CSMD1: variants seen among roughly 807,000 people sequenced by gnomAD.
CSMD1 encodes CUB and sushi domain-containing protein 1.
CSMD1 carries 213 observed loss-of-function variants against 417.5 expected under a neutral mutation model. The observed-to-expected ratio is 0.51, with a 90% CI of 0.46 to 0.57. CSMD1 has a LOEUF of 0.57. Ranked by LOEUF, CSMD1 falls within the 20% of genes least tolerant of loss-of-function variation. The pLI is 0.00. For synonymous variants in CSMD1, 2,862 were observed against 1,736.8 expected (o/e 1.65, Z -16.11); for missense variants, 6,923 against 4,529.7 (o/e 1.53, Z -15.17).
chr8:3,693,790 T>C (rs76899618), intron 7 of CSMD1, among the ~76,000 whole-genome samples: 2,946 of 151,892 alleles, frequency 0.019, 89 homozygotes, highest in African/African-American at 0.064. Context: ...TAGATGTGTG[T>C]TGGCGTCGTG....
At chr8:3,797,276 G>A (rs964818213) in intron 5 of CSMD1, among the ~76,000 whole-genome samples, 5 of 151,944 alleles carry the variant, frequency 3.3e-5, no homozygotes, top group Admixed American at 3.3e-4. Context: ...TAAAATTGAG[G>A]TAAAATATAC....
chr8:4,209,227 C>T (rs758906051), intron 3 of CSMD1, among the ~76,000 whole-genome samples: 1 of 143,298 alleles, frequency 7.0e-6, no homozygotes, highest in Admixed American at 6.9e-5. Context: ...TAAAAAGACA[C>T]TTGCCCAGAT....
chr8:3,414,110 G>C (rs1158702898), intron 12 of CSMD1, among the ~76,000 whole-genome samples: 1 of 146,490 alleles, frequency 6.8e-6, no homozygotes, highest in Non-Finnish European at 1.5e-5. Context: ...CTGCAGTCCA[G>C]CCTGTGTGAC....
At chr8:3,873,765 T>C (rs922443013) in intron 5 of CSMD1, among the ~76,000 whole-genome samples, 1 of 152,146 alleles carries the variant, frequency 6.6e-6, no homozygotes. Flanking sequence ...AAAAATCAGA[T>C]GGCCTGAACC....
intron 18 of CSMD1, 102 bp from the exon 19 acceptor site, chr8:3,369,472 A>G (rs6984628): frequency 0.22 from 142,209 of 635,638 alleles, 16,670 homozygotes; most frequent in African/African-American, 0.3. Context: ...AGGATTAACA[A>G]ATTTAATGTC....
intron 5 of CSMD1, among the ~76,000 whole-genome samples, chr8:3,937,600 G>T (rs1260576815): frequency 6.6e-6 from 1 of 152,012 alleles, no homozygotes; most frequent in Non-Finnish European, 1.5e-5. Flanking sequence ...ATATGCACTG[G>T]GGAACCCACA....
At chr8:4,849,259 ATG>A (rs1801326067) in intron 1 of CSMD1, among the ~76,000 whole-genome samples, 1 of 152,220 alleles carries the variant, frequency 6.6e-6, no homozygotes, top group Non-Finnish European at 1.5e-5. Flanking sequence ...ACACCTGTGC[ATG>A]TGTTTCATAT....
intron 5 of CSMD1, among the ~76,000 whole-genome samples, chr8:3,983,960 C>T (rs1391206890): frequency 1.3e-5 from 2 of 152,186 alleles, no homozygotes; most frequent in African/African-American, 2.4e-5. Context: ...CATTGCAGAT[C>T]TGATGGGGCT....
chr8:3,327,642 G>A (rs566505234), intron 23 of CSMD1, among the ~76,000 whole-genome samples: 11 of 152,280 alleles, frequency 7.2e-5, no homozygotes, highest in African/African-American at 2.6e-4. Context: ...AGTAAAGTTT[G>A]AGGTAGACCA....
rs543118492 is a variant in CSMD1, at chr8:4,198,066, A to T, written c.416-165967T>A. Among the ~76,000 whole-genome samples the T allele has an allele frequency of 2.6e-4, 40 of 152,350 alleles. 1 individual carries two copies. The Middle Eastern group carries it at 0.01, about 39-fold the overall frequency. On this transcript the variant is annotated intron_variant, in intron 3 of 69. Transcript: ENST00000635120. ...AAGTATTTATGCTCAGCGATTATCA[A>T]AGCGCAAAGCGAGGGAAGTCTGGGA...
intron 2 of CSMD1, among the ~76,000 whole-genome samples, chr8:4,487,726 T>C (rs776438732): frequency 5.3e-5 from 8 of 152,130 alleles, no homozygotes; most frequent in African/African-American, 1.9e-4. Context: ...TTAGAGGATA[T>C]AAAAATAAAG....
chr8:3,692,682 C>T (rs192489554), intron 7 of CSMD1, among the ~76,000 whole-genome samples: 23 of 152,262 alleles, frequency 1.5e-4, no homozygotes, highest in Admixed American at 1.5e-3. Flanking sequence ...ATCTGCCTGC[C>T]TCGGCCTCCA....
intron 5 of CSMD1, among the ~76,000 whole-genome samples, chr8:3,993,516 A>G (rs902590322): frequency 5.3e-5 from 8 of 152,224 alleles, no homozygotes; most frequent in African/African-American, 1.7e-4. Context: ...CCAGTCACCA[A>G]TTAGATTGAC....
Position 3,809,104 on chromosome 8 carries a change from G to A in CSMD1, c.819-55062C>T, listed in dbSNP as rs180742342. Reference sequence around the variant, plus strand: ...CTATCATATATGACAACCTGCCACCGGGCACATGCTCTGCCCTCTATTGGG... The same window carrying A: ...CTATCATATATGACAACCTGCCACCAGGCACATGCTCTGCCCTCTATTGGG... On this transcript the variant is annotated intron_variant, in intron 5 of 69. Transcript: ENST00000635120. Among the ~76,000 whole-genome samples, 281 of 152,182 alleles carry A rather than the reference G, an allele frequency of 1.8e-3. 1 individual carries two copies. Among genetic ancestry groups the A allele is most frequent in the South Asian group, 4.6e-3 (22 of 4,814 alleles).
Position 4,125,899 on chromosome 8 carries a change from C to T in CSMD1, c.416-93800G>A, listed in dbSNP as rs116691035. On this transcript the variant is annotated intron_variant, in intron 3 of 69. Coordinates refer to ENST00000635120, the MANE Select transcript of CSMD1 (RefSeq NM_033225.6). ...TTTAGGACTTACGGTTTAGGAGACA[C>T]GCAGCCTCTGGCTCCAAGAGTATGA... 1.2e-3 allele frequency among the ~76,000 whole-genome samples: 180 copies of T among 152,272 alleles called. 1 individual carries two copies. The highest frequency in any genetic ancestry group is 4.2e-3 in the African/African-American group (173 of 41,558).
intron 3 of CSMD1, among the ~76,000 whole-genome samples, chr8:4,322,526 A>C (rs1206561849): frequency 2.6e-5 from 4 of 152,192 alleles, no homozygotes; most frequent in African/African-American, 4.8e-5. Context: ...CTGTATAAAA[A>C]CATAACATTT....
At chr8:3,469,006 G>A (rs1816936687) in intron 11 of CSMD1, 182 bp from the exon 12 acceptor site, 1 of 450,144 alleles carries the variant, frequency 2.2e-6, no homozygotes, top group Non-Finnish European at 3.9e-6. Flanking sequence ...ACTATCACTG[G>A]TGCTTTACAG....
intron 1 of CSMD1, among the ~76,000 whole-genome samples, chr8:4,980,304 C>G (rs1018533400): frequency 6.6e-5 from 10 of 152,146 alleles, no homozygotes; most frequent in African/African-American, 2.4e-4. Context: ...AGTGTAGCCA[C>G]AAGGGCTGTG....
chr8:4,134,701 CCA>C (rs1054098410), intron 3 of CSMD1, among the ~76,000 whole-genome samples: 1 of 152,150 alleles, frequency 6.6e-6, no homozygotes, highest in South Asian at 2.1e-4. Flanking sequence ...TTTCTGTGAA[CCA>C]CACCACTTAC....
Sources: allele counts gnomAD v4.1 joint callset (sites outside exome capture counted in the v4.1 genomes callset), GRCh38; gene constraint gnomAD v4.1.1; transcripts MANE v1.5; gene names NCBI Gene and HGNC (gene_info 2026-07-23, HGNC 2026-07-21).